The following RBFOX1 variants were observed in gnomAD, a reference collection of about 807,000 sequenced individuals.
RBFOX1 encodes RNA binding fox-1 homolog 1, also known as RNA binding protein fox-1 homolog 1.
RBFOX1 carries 8 observed loss-of-function variants against 57.7 expected under a neutral mutation model. The observed-to-expected ratio is 0.14, with a 90% CI of 0.08 to 0.25. The LOEUF is 0.25. Among genes scored for constraint, RBFOX1 ranks in the 10% least tolerant of loss-of-function variants. The probability of loss-of-function intolerance (pLI) is 1.00; values close to 1 mark genes in which losing one functional copy is unlikely to be tolerated. For missense variants in RBFOX1, 611 were observed against 548.5 expected, an observed-to-expected ratio of 1.11 and a Z score of -1.14; for synonymous variants, 326 against 222.4, an observed-to-expected ratio of 1.47 and a Z score of -4.15.
chr16:7,711,282 T>C lies in RBFOX1; in HGVS notation c.*537T>C, dbSNP rs1234309461. ...AAACGACCCACTGCACCAACAATCA[T>C]TTATCAATGGTTCTAAGTTACTCAT... On this transcript the variant is annotated 3_prime_UTR_variant, in exon 16 of 16. Coordinates refer to ENST00000550418, the MANE Select transcript of RBFOX1 (RefSeq NM_018723.4). 6.6e-6 allele frequency: 1 copy of C among 152,452 alleles called. No homozygotes were observed. The highest frequency in any genetic ancestry group is 1.5e-5 in the Non-Finnish European group (1 of 68,072). The allele number at this position is 152,452 out of a possible 1,614,324, so 9.4% of individuals were successfully genotyped here. A position where few individuals can be genotyped will look rare whatever the true frequency, so the allele number is the denominator to read the frequency against.
chr16:7,169,679 A>T (rs1232449010), intron 4 of RBFOX1, among the ~76,000 whole-genome samples: 1 of 152,234 alleles, frequency 6.6e-6, no homozygotes, highest in Non-Finnish European at 1.5e-5. Flanking sequence ...TGCAGGGTTT[A>T]CTACTACACC....
At chr16:5,744,311 T>G (rs9941024) in intron 3 of RBFOX1, among the ~76,000 whole-genome samples, 1 of 151,964 alleles carries the variant, frequency 6.6e-6, no homozygotes, top group Non-Finnish European at 1.5e-5. Flanking sequence ...CCCGTTTCCT[T>G]TGCTGTCGCT....
rs561087524 is a variant in RBFOX1, at chr16:6,076,611, C to A, written c.-127+56619C>A. Among the ~76,000 whole-genome samples the A allele has an allele frequency of 9.3e-5, 14 of 151,076 alleles. No homozygotes were observed. In the Admixed American group the frequency reaches 9.3e-4, roughly 10 times the overall value. On this transcript the variant is annotated intron_variant, in intron 1 of 15. Coordinates refer to ENST00000550418, the MANE Select transcript of RBFOX1 (RefSeq NM_018723.4). ...GCCTCCCAGTCTTGCCTTTTAAGAGCCTTAGGACTCTTAACCTGGGAAATC... is the reference window on the plus strand; with the variant it reads ...GCCTCCCAGTCTTGCCTTTTAAGAGACTTAGGACTCTTAACCTGGGAAATC...
chr16:7,122,184 A>G (rs972700292), intron 4 of RBFOX1, among the ~76,000 whole-genome samples: 8 of 152,186 alleles, frequency 5.3e-5, no homozygotes, highest in African/African-American at 1.7e-4. Context: ...AATAAATTAT[A>G]TGTGAAGGTC....
At chr16:6,324,376 G>C (rs1299923987) in intron 2 of RBFOX1, among the ~76,000 whole-genome samples, 1 of 152,148 alleles carries the variant, frequency 6.6e-6, no homozygotes, top group Non-Finnish European at 1.5e-5. Context: ...ATAAAGAAAA[G>C]ATATTTAATT....
chr16:6,118,906 C>T (rs1325496396), intron 1 of RBFOX1, among the ~76,000 whole-genome samples: 2 of 149,988 alleles, frequency 1.3e-5, no homozygotes, highest in Non-Finnish European at 2.9e-5. Flanking sequence ...CTCCCAATAC[C>T]ATCACATTAG....
intron 1 of RBFOX1, among the ~76,000 whole-genome samples, chr16:5,413,060 G>A (rs535528698): frequency 1.3e-5 from 2 of 152,170 alleles, no homozygotes; most frequent in East Asian, 1.9e-4. Flanking sequence ...TGCCCTAGGG[G>A]GTGTGCAGAA....
chr16:6,006,730 A>G (rs778195261), intron 4 of RBFOX1, among the ~76,000 whole-genome samples: 1 of 152,194 alleles, frequency 6.6e-6, no homozygotes, highest in Non-Finnish European at 1.5e-5. Context: ...GGATATGTGG[A>G]GAGTGGGTTT....
At position 6,984,479 on chromosome 16, in the gene RBFOX1, G is replaced by C. The variant is rs567155222; in HGVS notation, c.-15-67578G>C. On this transcript the variant is annotated intron_variant, in intron 3 of 15. Coordinates refer to ENST00000550418, the MANE Select transcript of RBFOX1 (RefSeq NM_018723.4). Reference sequence around the variant, plus strand: ...TCCCTATGGATGAAGCCACTGTTAGGCAGGTTTTGTTACTTGCAGCCTAAA... The same window carrying C: ...TCCCTATGGATGAAGCCACTGTTAGCCAGGTTTTGTTACTTGCAGCCTAAA... 7.4e-4 allele frequency among the ~76,000 whole-genome samples: 112 copies of C among 152,154 alleles called. 1 individual carries two copies. Among genetic ancestry groups the C allele is most frequent in the Admixed American group, 3.5e-3 (54 of 15,282 alleles).
chr16:5,596,867 G>T (rs2047199773), intron 2 of RBFOX1, among the ~76,000 whole-genome samples: 1 of 146,022 alleles, frequency 6.8e-6, no homozygotes, highest in Non-Finnish European at 1.5e-5. Flanking sequence ...GGAAGCAGGG[G>T]ACATCATTTG....
intron 3 of RBFOX1, among the ~76,000 whole-genome samples, chr16:6,964,127 C>A (rs927078880): frequency 1.3e-5 from 2 of 152,128 alleles, no homozygotes; most frequent in African/African-American, 2.4e-5. Flanking sequence ...AAGCGATTCT[C>A]CTGCCTCAGC....
chr16:5,355,401 C>T (rs2065362891), intron 1 of RBFOX1, among the ~76,000 whole-genome samples: 2 of 152,112 alleles, frequency 1.3e-5, no homozygotes, highest in East Asian at 1.9e-4. Flanking sequence ...CTGTCTGCAT[C>T]GTGAAGCCTG....
intron 1 of RBFOX1, among the ~76,000 whole-genome samples, chr16:6,023,504 A>T (rs1384699226): frequency 2.6e-5 from 4 of 152,172 alleles, no homozygotes; most frequent in Non-Finnish European, 4.4e-5. Context: ...AAATTAGACC[A>T]TTTCGTTTGC....
At chr16:5,267,295 G>C (rs925041856) in intron 1 of RBFOX1, among the ~76,000 whole-genome samples, 10 of 83,278 alleles carry the variant, frequency 1.2e-4, no homozygotes, top group African/African-American at 6.1e-4. Context: ...CCACACATAA[G>C]GGTTTTTTTT....
chr16:5,935,008 C>T (rs191263266), intron 4 of RBFOX1, among the ~76,000 whole-genome samples: 1 of 152,164 alleles, frequency 6.6e-6, no homozygotes, highest in Non-Finnish European at 1.5e-5. Context: ...TGCAGAATAT[C>T]GAAGGGTCAA....
intron 2 of RBFOX1, among the ~76,000 whole-genome samples, chr16:6,453,659 G>A (rs985524861): frequency 2.0e-5 from 3 of 152,092 alleles, no homozygotes; most frequent in Non-Finnish European, 2.9e-5. Context: ...TAGAAAAAGA[G>A]GGACTCCTCC....
Position 6,132,856 on chromosome 16 carries a change from G to A in RBFOX1, c.-127+112864G>A, listed in dbSNP as rs569841242. Among the ~76,000 whole-genome samples the A allele has an allele frequency of 1.6e-4, 25 of 151,586 alleles. 1 individual carries two copies. The highest frequency in any genetic ancestry group is 8.3e-4 in the South Asian group (4 of 4,810). Reference sequence around the variant, plus strand: ...ACCAAAATTAGCTGGGCATGGTGGCGCATGCCTGTAGTCCCAGCTACTCAC... The same window carrying A: ...ACCAAAATTAGCTGGGCATGGTGGCACATGCCTGTAGTCCCAGCTACTCAC... On this transcript the variant is annotated intron_variant, in intron 1 of 15. Transcript: ENST00000550418.
chr16:7,147,654 C>A (rs1747320892), intron 4 of RBFOX1, among the ~76,000 whole-genome samples: 1 of 152,094 alleles, frequency 6.6e-6, no homozygotes, highest in African/African-American at 2.4e-5. Context: ...TGATTTTGTT[C>A]TTTTTTATGG....
chr16:6,786,649 C>T (rs574997597), intron 3 of RBFOX1, among the ~76,000 whole-genome samples: 6 of 152,100 alleles, frequency 3.9e-5, no homozygotes, highest in East Asian at 1.9e-4. Flanking sequence ...GTGCTCTGTG[C>T]GCATTTAGAG....
Sources: gnomAD v4.1 joint callset for allele counts (sites outside exome capture counted in the v4.1 genomes callset) on GRCh38, gnomAD v4.1.1 for gene constraint, MANE v1.5 for transcripts, NCBI Gene and HGNC (gene_info 2026-07-23, HGNC 2026-07-21) for gene names.